BIRC6: variants seen among roughly 807,000 people sequenced by gnomAD.
BIRC6 encodes the protein baculoviral IAP repeat containing 6, also known as dual E2 ubiquitin-conjugating enzyme/E3 ubiquitin-protein ligase BIRC6.
Under a neutral mutation model 503.3 loss-of-function variants are expected in BIRC6, and 98 were observed. That is an observed-to-expected ratio of 0.19 (90% CI 0.17 to 0.23). The LOEUF is 0.23. BIRC6 is among the 10% of genes least tolerant of loss of function. The pLI is 1.00. For missense variants in BIRC6, 5,360 were observed against 5,806.0 expected (o/e 0.92, Z 2.50); for synonymous variants, 2,240 against 2,078.7 (o/e 1.08, Z -2.11).
intron 1 of BIRC6, among the ~76,000 whole-genome samples, chr2:32,370,235 T>C (rs189690477): frequency 1.0e-3 from 153 of 152,052 alleles, no homozygotes; most frequent in African/African-American, 3.5e-3. Flanking sequence ...TCTTTAGAGA[T>C]TGAGCCCTCT....
chr2:32,475,579 A>T (rs1413519675), intron 33 of BIRC6, among the ~76,000 whole-genome samples: 1 of 152,250 alleles, frequency 6.6e-6, no homozygotes, highest in Non-Finnish European at 1.5e-5. Flanking sequence ...ACAGACAAAC[A>T]CAAATGAGTG....
rs754545203 is a variant in BIRC6 at position 32,515,655 on chromosome 2, C to T, written c.11234C>T (p.Ser3745Leu). Residue 3745 changes from serine (S) to leucine (L), a missense_variant, in exon 55 of 74, where the codon TCA (serine) becomes TTA (leucine). Around this residue, in one of 16 missense-constraint regions of BIRC6, gnomAD observed 878 missense variants for 928.9 expected, o/e 0.95. Coordinates refer to ENST00000421745, the MANE Select transcript of BIRC6 (RefSeq NM_016252.4). ...QTSARSASLS[S>L]AATTGLTTQQ... ...AGTGCAAGATCAGCTTCTCTTTCTT[C>T]AGCTGCTACAACAGGACTGACTACT... 1.9e-6 allele frequency: 3 copies of T among 1,610,286 alleles called. No individual in the cohort carries two copies. The highest frequency in any genetic ancestry group is 2.5e-6 in the Non-Finnish European group (3 of 1,179,864).
At chr2:32,584,442 A>G (rs960419304) in intron 66 of BIRC6, among the ~76,000 whole-genome samples, 1 of 152,142 alleles carries the variant, frequency 6.6e-6, no homozygotes, top group African/African-American at 2.4e-5. Flanking sequence ...CTGAGGCAAG[A>G]GAATCGCTTC....
At chr2:32,487,904 C>CT (rs1359120566) in intron 41 of BIRC6, 103 bp downstream of exon 41, 1 of 958,182 alleles carries the variant, frequency 1.0e-6, no homozygotes, top group Non-Finnish European at 1.6e-6. Context: ...GGGATGATTT[C>CT]TTTATTATAT....
intron 15 of BIRC6, among the ~76,000 whole-genome samples, chr2:32,438,503 T>C (rs1461285249): frequency 6.6e-6 from 1 of 152,038 alleles, no homozygotes; most frequent in Non-Finnish European, 1.5e-5. Context: ...GATTGTATAG[T>C]ATGATCCCAA....
At chr2:32,492,841 G>A (rs1029984226) in intron 44 of BIRC6, among the ~76,000 whole-genome samples, 1 of 151,860 alleles carries the variant, frequency 6.6e-6, no homozygotes, top group Non-Finnish European at 1.5e-5. Flanking sequence ...TAGTTTGGAG[G>A]ATTATATTGT....
intron 11 of BIRC6, 68 bp from the exon 12 acceptor site, chr2:32,430,793 CTTCA>C (rs1371227663): frequency 1.8e-4 from 209 of 1,158,840 alleles, no homozygotes; most frequent in Non-Finnish European, 2.4e-4. Flanking sequence ...TAAAACTTCA[CTTCA>C]TTGTCTTCTT....
rs1026915916 is a variant in BIRC6 at position 32,434,574 on chromosome 2, G to A, written c.3409+770G>A. On this transcript the variant is annotated intron_variant, in intron 13 of 73. Transcript: ENST00000421745. ...AATAAAAAATAGTATTAGACCACATGTGGTGGCTCATGCCTATAATCCCAG... is the reference window on the plus strand; with the variant it reads ...AATAAAAAATAGTATTAGACCACATATGGTGGCTCATGCCTATAATCCCAG... 2.0e-5 allele frequency among the ~76,000 whole-genome samples: 3 copies of A among 152,192 alleles called. No individual in the cohort carries two copies. The East Asian group carries it at 5.8e-4, about 29-fold the overall frequency.
intron 16 of BIRC6, among the ~76,000 whole-genome samples, chr2:32,440,412 G>T (rs888311543): frequency 6.6e-6 from 1 of 152,112 alleles, no homozygotes; most frequent in Non-Finnish European, 1.5e-5. Context: ...TAATCCTCAT[G>T]GTTGATTTTC....
chr2:32,499,965 G>A lies in BIRC6; in HGVS notation c.8887G>A (p.Gly2963Ser). 6.2e-7 allele frequency: 1 copy of A among 1,613,968 alleles called. No individual in the cohort carries two copies. The highest frequency in any genetic ancestry group is 8.5e-7 in the Non-Finnish European group (1 of 1,179,876). ...SVSDEEKVSG[G>S]KDGNGSSTSV... Reference sequence around the variant, plus strand: ...TTCAGATGAAGAAAAAGTCTCAGGAGGCAAAGATGGCAATGGAAGCAGTAC... The same window carrying A: ...TTCAGATGAAGAAAAAGTCTCAGGAAGCAAAGATGGCAATGGAAGCAGTAC... The change falls in exon 46 of 74, where the codon GGC becomes AGC. Residue 2963 changes from glycine to serine, a missense_variant. By Grantham distance (56) the Gly-to-Ser change is moderately conservative (BLOSUM62 0). Around this residue, in one of 16 missense-constraint regions of BIRC6, gnomAD observed 2,299 missense variants for 2,267.2 expected, o/e 1.01. Transcript: ENST00000421745.
At chr2:32,513,631 C>G (rs1279983404) in intron 54 of BIRC6, among the ~76,000 whole-genome samples, 1 of 151,972 alleles carries the variant, frequency 6.6e-6, no homozygotes, top group Non-Finnish European at 1.5e-5. Context: ...AGTCAGAAAG[C>G]TGGGCACAGT....
At chr2:32,571,422 T>C (rs1181102755) in intron 65 of BIRC6, among the ~76,000 whole-genome samples, 1 of 149,064 alleles carries the variant, frequency 6.7e-6, no homozygotes, top group East Asian at 2.0e-4. Flanking sequence ...TGTTTTATTA[T>C]GATTGAATCT....
intron 65 of BIRC6, among the ~76,000 whole-genome samples, chr2:32,569,809 G>C (rs2059800624): frequency 6.6e-6 from 1 of 151,760 alleles, no homozygotes; most frequent in African/African-American, 2.4e-5. Context: ...TTGAATTCAT[G>C]TATCAAATCC....
At chr2:32,437,192 AAG>A (rs1002160367) in intron 15 of BIRC6, among the ~76,000 whole-genome samples, 1 of 152,102 alleles carries the variant, frequency 6.6e-6, no homozygotes, top group African/African-American at 2.4e-5. Flanking sequence ...TCCAGGCCAA[AAG>A]AGGATTTTTA....
At chr2:32,463,417 C>G (rs1199288605) in intron 24 of BIRC6, 36 bp downstream of exon 24, 1 of 1,526,538 alleles carries the variant, frequency 6.6e-7, no homozygotes, top group African/African-American at 1.4e-5. Context: ...CATGCTGTCT[C>G]TAAACTTCAA....
chr2:32,495,949 C>T (rs904560339), intron 45 of BIRC6, among the ~76,000 whole-genome samples: 3 of 151,384 alleles, frequency 2.0e-5, no homozygotes, highest in African/African-American at 2.4e-5. Context: ...GCCATTCTCC[C>T]GCCTCAGCCT....
At chr2:32,483,076 C>A (rs1305182780) in intron 39 of BIRC6, among the ~76,000 whole-genome samples, 3 of 134,880 alleles carry the variant, frequency 2.2e-5, no homozygotes, top group South Asian at 5.3e-4. Flanking sequence ...TGCCACCAAG[C>A]CCAGCTATTT....
intron 61 of BIRC6, among the ~76,000 whole-genome samples, chr2:32,534,991 A>T (rs912356299): frequency 6.6e-6 from 1 of 151,592 alleles, no homozygotes; most frequent in Non-Finnish European, 1.5e-5. Context: ...GCATGCCTGG[A>T]ACTGTCATGG....
chr2:32,392,382 A>G (rs1315696631), intron 5 of BIRC6, among the ~76,000 whole-genome samples: 1 of 151,916 alleles, frequency 6.6e-6, no homozygotes, highest in Admixed American at 6.6e-5. Context: ...AGCCTCCTTG[A>G]GTAGCTGGGA....
Sources: allele counts gnomAD v4.1 joint callset (sites outside exome capture counted in the v4.1 genomes callset), GRCh38; gene constraint gnomAD v4.1.1; regional missense constraint gnomAD v4.1.1; transcripts MANE v1.5; gene names NCBI Gene and HGNC (gene_info 2026-07-23, HGNC 2026-07-21).